PTPRS: variants seen among roughly 807,000 people sequenced by gnomAD.
PTPRS encodes the protein receptor-type tyrosine-protein phosphatase S.
A neutral mutation model predicts 215.3 loss-of-function variants in PTPRS; 63 were observed. That is an observed-to-expected ratio of 0.29 (90% confidence interval 0.24 to 0.36). The LOEUF is 0.36. Among genes scored for constraint, PTPRS ranks in the 10% least tolerant of loss-of-function variants. The pLI, the probability that PTPRS is intolerant of heterozygous loss-of-function variation, is 1.00. For synonymous variants in PTPRS, 1,404 were observed against 1,191.4 expected (o/e 1.18, Z -3.68); for missense variants, 2,258 against 2,825.8 (o/e 0.80, Z 4.56).
intron 1 of PTPRS, among the ~76,000 whole-genome samples, chr19:5,305,958 A>G (rs1277942980): frequency 2.2e-4 from 31 of 142,708 alleles, no homozygotes; most frequent in Non-Finnish European, 4.4e-4. Context: ...AAAAAAAAAA[A>G]AAAAAAAAAA....
chr19:5,240,118 G>A (rs567859935), intron 12 of PTPRS, 81 bp downstream of exon 12: 3 of 1,385,692 alleles, frequency 2.2e-6, no homozygotes, highest in Admixed American at 5.8e-5. Flanking sequence ...GGACAAAGAG[G>A]GGGAAGAGAC....
At chr19:5,340,480 C>A (rs1425687137) in intron 1 of PTPRS, among the ~76,000 whole-genome samples, 184 bp downstream of exon 1, 4 of 150,960 alleles carry the variant, frequency 2.6e-5, no homozygotes, top group African/African-American at 9.7e-5. Flanking sequence ...GGCGCAGCTA[C>A]CGGGGCGCAG....
At chr19:5,253,348 T>C (rs2045301381) in intron 9 of PTPRS, among the ~76,000 whole-genome samples, 1 of 151,530 alleles carries the variant, frequency 6.6e-6, no homozygotes, top group Non-Finnish European at 1.5e-5. Flanking sequence ...TAAATAAGAG[T>C]GAGATTAGGG....
intron 4 of PTPRS, among the ~76,000 whole-genome samples, 179 bp from the exon 5 acceptor site, chr19:5,265,375 T>A (rs2046326048): frequency 6.6e-6 from 1 of 152,156 alleles, no homozygotes; most frequent in Admixed American, 6.5e-5. Flanking sequence ...AGGGTCTTGC[T>A]CTGTTGCCCA....
At chr19:5,284,247 C>CTGAAA (rs2048130544) in intron 2 of PTPRS, among the ~76,000 whole-genome samples, 1 of 151,824 alleles carries the variant, frequency 6.6e-6, no homozygotes, top group African/African-American at 2.4e-5. Flanking sequence ...GTAATCCCAG[C>CTGAAA]TACTCGGGAG....
At chr19:5,328,109 CTTTTGTTTTT>C (rs1205768617) in intron 1 of PTPRS, among the ~76,000 whole-genome samples, 2 of 152,092 alleles carry the variant, frequency 1.3e-5, no homozygotes, top group Non-Finnish European at 2.9e-5. Flanking sequence ...CTTACCACTT[CTTTTGTTTTT>C]TTTTGTTTTT....
intron 9 of PTPRS, chr19:5,251,060 G>T: frequency 6.2e-6 from 1 of 160,174 alleles, no homozygotes; most frequent in Middle Eastern, 6.8e-4. Flanking sequence ...GAGATGCCAA[G>T]AAATTGTGCA....
Position 5,244,892 on chromosome 19 carries a change from TCTC to T in PTPRS, c.989-413_989-411del, listed in dbSNP as rs1177422129. Among the ~76,000 whole-genome samples the T allele has an allele frequency of 6.6e-6, 1 of 151,806 alleles. No homozygotes were observed. ...ACTGTGTTAGCCAGGATGGTCTCGA[TCTC>T]CTGACCTCGTGATCCGCCCGCCTCG... On this transcript the variant is annotated intron_variant, in intron 10 of 37. Transcript: ENST00000262963. The surrounding 1 kb of genome is among the most constrained non-coding windows in gnomAD (Gnocchi z 7.2).
Position 5,234,024 on chromosome 19 carries a change from A to C in PTPRS, c.1850-2409T>G, listed in dbSNP as rs565925253. 9.2e-4 allele frequency among the ~76,000 whole-genome samples: 138 copies of C among 149,408 alleles called. 1 individual carries two copies. Among genetic ancestry groups the C allele is most frequent in the African/African-American group, 3.2e-3 (129 of 40,862 alleles). ...GCCAGGCAACAGCAATAGAAGCCCC[A>C]ATTATTAGCTACCTACCATGTGCCA... is the stretch of plus-strand genomic sequence containing the variant. On this transcript the variant is annotated intron_variant, in intron 13 of 37. Transcript: ENST00000262963.
At chr19:5,262,861 T>C (rs1053322905) in intron 6 of PTPRS, 103 bp downstream of exon 6, 1 of 1,285,238 alleles carries the variant, frequency 7.8e-7, no homozygotes, top group Non-Finnish European at 1.1e-6. Context: ...TGGGTCACAG[T>C]TACCATCACG....
chr19:5,269,696 G>A (rs1859098131), intron 4 of PTPRS, among the ~76,000 whole-genome samples: 1 of 152,078 alleles, frequency 6.6e-6, no homozygotes, highest in Admixed American at 6.6e-5. Flanking sequence ...CTGAGGAGGT[G>A]GATCACCTGA....
intron 9 of PTPRS, among the ~76,000 whole-genome samples, chr19:5,248,646 G>A (rs1016847914): frequency 1.3e-5 from 2 of 152,182 alleles, no homozygotes; most frequent in Admixed American, 6.5e-5. Flanking sequence ...TCCACTTCTC[G>A]ACACCCTGCC....
At chr19:5,265,278 T>G in intron 4 of PTPRS, 82 bp from the exon 5 acceptor site, 1 of 1,336,874 alleles carries the variant, frequency 7.5e-7, no homozygotes, top group Non-Finnish European at 1.0e-6. Flanking sequence ...AGGGACTGCC[T>G]GGCCACGGGT....
intron 9 of PTPRS, among the ~76,000 whole-genome samples, chr19:5,251,715 T>C (rs1032355273): frequency 9.9e-5 from 15 of 152,058 alleles, no homozygotes; most frequent in Non-Finnish European, 1.9e-4. Context: ...CCGCCCACCC[T>C]GGCCAAATGG....
intron 10 of PTPRS, among the ~76,000 whole-genome samples, chr19:5,245,097 A>G (rs934292181): frequency 1.3e-5 from 2 of 148,848 alleles, no homozygotes; most frequent in Non-Finnish European, 3.0e-5. Flanking sequence ...CTCCTGCCTC[A>G]GCCTCCCGAG....
intron 8 of PTPRS, 92 bp from the exon 9 acceptor site, chr19:5,256,211 C>T: frequency 9.6e-7 from 1 of 1,037,648 alleles, no homozygotes; most frequent in Non-Finnish European, 1.3e-6. Context: ...AAGAGGACTT[C>T]CCAAGGCTAA....
chr19:5,212,208 G>A lies in PTPRS; in HGVS notation c.4812C>T (p.Ala1604=), dbSNP rs886861124. 4 of 1,613,454 alleles carry A rather than the reference G, an allele frequency of 2.5e-6. No individual in the cohort carries two copies. In the African/African-American group the frequency reaches 4.0e-5, roughly 16 times the overall value. ...GRTGCFIVID[A]MLERIKPEKT... is the part of the protein sequence containing the mutation. ...TCTCTGGCTTGATCCGCTCAAGCAT[G>A]GCGTCGATGACGATAAAGCAGCCTG... The change falls in exon 32 of 38, where the codon GCC becomes GCT. Residue 1604 remains alanine (A), a synonymous_variant. Transcript: ENST00000262963.
In PTPRS at chr19:5,214,656, G is replaced by A; in HGVS notation, c.4399C>T (p.Pro1467Ser). Reference sequence around the variant, plus strand: ...AAGTCCCCAAAGGTCTCAGGCAGCGGCCCCTGCGTGGCAATGTACGCGTTC... The same window carrying A: ...AAGTCCCCAAAGGTCTCAGGCAGCGACCCCTGCGTGGCAATGTACGCGTTC... ...CQNAYIATQG[P>S]LPETFGDFWR... The change falls in exon 29 of 38, where the codon CCG becomes TCG. Residue 1467 changes from proline to serine, a missense_variant. Pro to Ser is a moderately conservative substitution (Grantham distance 74). Around this residue, in one of 6 missense-constraint regions of PTPRS, gnomAD observed 927 missense variants for 1,125.9 expected, o/e 0.82. Coordinates refer to ENST00000262963, the MANE Select transcript of PTPRS (RefSeq NM_002850.4). 1 of 1,613,170 alleles carries A rather than the reference G, an allele frequency of 6.2e-7. No individual in the cohort carries two copies. Among genetic ancestry groups the A allele is most frequent in the South Asian group, 1.1e-5 (1 of 91,080 alleles).
chr19:5,328,536 C>A (rs1332181049), intron 1 of PTPRS, among the ~76,000 whole-genome samples: 1 of 152,162 alleles, frequency 6.6e-6, no homozygotes, highest in African/African-American at 2.4e-5. Flanking sequence ...CCGCGCCCGG[C>A]CCTTACCACT....
Sources: allele counts gnomAD v4.1 joint callset (sites outside exome capture counted in the v4.1 genomes callset), GRCh38; gene constraint gnomAD v4.1.1; regional missense constraint gnomAD v4.1.1; non-coding constraint Gnocchi (gnomAD v3.1); transcripts MANE v1.5; gene names NCBI Gene and HGNC (gene_info 2026-07-23, HGNC 2026-07-21).